Variants in DAB2IP observed in about 807,000 individuals in gnomAD.
DAB2IP encodes DAB2 interacting protein.
Under a neutral mutation model 107.2 loss-of-function variants are expected in DAB2IP, and 28 were observed. The ratio of observed to expected loss-of-function variants is 0.26; its 90% CI spans 0.19 to 0.36. DAB2IP has a LOEUF of 0.36. Ranked by LOEUF, DAB2IP falls within the 10% of genes least tolerant of loss-of-function variation. DAB2IP has a pLI of 1.00. For missense variants in DAB2IP, 1,400 were observed against 1,644.7 expected (o/e 0.85, Z 2.57); for synonymous variants, 755 against 706.4 (o/e 1.07, Z -1.09).
rs1190740114 is a variant in DAB2IP at position 121,760,263 on chromosome 9, G to A, written c.994G>A (p.Ala332Thr). Residue 332 changes from alanine (A) to threonine (T), a missense_variant, in exon 6 of 16, where the codon GCG (alanine) becomes ACG (threonine). Ala to Thr is a moderately conservative substitution (Grantham distance 58). Transcript: ENST00000408936. This position sits in a 1 kb window ranked among gnomAD's most constrained non-coding sequence, Gnocchi z 5.9. ...CCCTGGACCCATGATCCGCATCAAGGCGCGCTACCAAACCATCACCATCCT... is the reference window on the plus strand; with the variant it reads ...CCCTGGACCCATGATCCGCATCAAGACGCGCTACCAAACCATCACCATCCT... 2 of 1,613,798 alleles carry A rather than the reference G, an allele frequency of 1.2e-6. No individual in the cohort carries two copies. The highest frequency in any genetic ancestry group is 1.7e-6 in the Non-Finnish European group (2 of 1,180,042).
intron 1 of DAB2IP, among the ~76,000 whole-genome samples, chr9:121,668,219 A>G (rs1833528683): frequency 6.9e-6 from 1 of 144,438 alleles, no homozygotes; most frequent in Admixed American, 6.9e-5. Flanking sequence ...TTTGAGATGG[A>G]GTCTTGCTTT....
chr9:121,649,720 G>A (rs1196895899), upstream of DAB2IP, among the ~76,000 whole-genome samples: 1 of 152,230 alleles, frequency 6.6e-6, no homozygotes, highest in East Asian at 1.9e-4. Context: ...CCACCTACGT[G>A]AGGAGGCACT....
At chr9:121,759,761 C>T (rs967213171) in intron 5 of DAB2IP, 124 bp from the exon 6 acceptor site, 72 of 818,512 alleles carry the variant, frequency 8.8e-5, no homozygotes, top group Middle Eastern at 3.3e-4. Context: ...AGGGCCTAGG[C>T]GCCCGCTGCC....
chr9:121,709,178 T>C (rs1008651497), intron 3 of DAB2IP, among the ~76,000 whole-genome samples: 2 of 152,052 alleles, frequency 1.3e-5, no homozygotes, highest in Non-Finnish European at 1.5e-5. Context: ...CAGAAACTAG[T>C]GTCTCGGGGC....
At chr9:121,642,035 CTTTCTTTCTT>C in intron 1 of DAB2IP, among the ~76,000 whole-genome samples, 2 of 38,044 alleles carry the variant, frequency 5.3e-5, no homozygotes, top group East Asian at 1.1e-3. Flanking sequence ...CTCTCTCTTT[CTTTCTTTCTT>C]TCTTTCTTTC....
chr9:121,746,195 C>T lies in DAB2IP; in HGVS notation c.363-10818C>T, dbSNP rs899360169. On this transcript the variant is annotated intron_variant, in intron 3 of 15. Coordinates refer to ENST00000408936, the Ensembl canonical transcript of DAB2IP. ...GAGAAGTGCTGGCAGGAAGGGCGTG[C>T]GGGAAGGGACAGAATGCCCCGGGAA... 5.3e-5 allele frequency among the ~76,000 whole-genome samples: 8 copies of T among 151,948 alleles called. 1 individual carries two copies. In the South Asian group the frequency reaches 6.2e-4, roughly 12 times the overall value.
In DAB2IP at chr9:121,736,263, T is replaced by C. The variant is rs1212228212; in HGVS notation, c.363-20750T>C. On this transcript the variant is annotated intron_variant, in intron 3 of 15. Coordinates refer to ENST00000408936, the Ensembl canonical transcript of DAB2IP. This position sits in a 1 kb window ranked among gnomAD's most constrained non-coding sequence, Gnocchi z 4.6. ...TGGTCTAAGCCCGACGAACCCGGGG[T>C]GGGGCCAGCGGGCCAAACTGGAATG... Among the ~76,000 whole-genome samples, 1 of 151,936 alleles carries C rather than the reference T, an allele frequency of 6.6e-6. No individual in the cohort carries two copies. Among genetic ancestry groups the C allele is most frequent in the African/African-American group, 2.4e-5 (1 of 41,366 alleles).
In DAB2IP at chr9:121,658,708, G is replaced by T. The variant is rs116744140; in HGVS notation, c.124+6809G>T. On this transcript the variant is annotated intron_variant, in intron 1 of 15. Coordinates refer to ENST00000408936, the Ensembl canonical transcript of DAB2IP. ...TAGACTCGATACTCAGCAAAGACAG[G>T]CTTGGTTCCTCGGTCTAGACAGACC... 4.8e-3 allele frequency among the ~76,000 whole-genome samples: 736 copies of T among 152,304 alleles called. 7 individuals are homozygous for T. The highest frequency in any genetic ancestry group is 0.016 in the African/African-American group (671 of 41,576).
chr9:121,605,769 G>T (rs1830848831), intron 1 of DAB2IP, among the ~76,000 whole-genome samples: 1 of 152,188 alleles, frequency 6.6e-6, no homozygotes, highest in Non-Finnish European at 1.5e-5. Context: ...GCCTCCCAAA[G>T]TGCTGGGGTT....
intron 3 of DAB2IP, among the ~76,000 whole-genome samples, chr9:121,712,292 T>C (rs190919901): frequency 6.6e-6 from 1 of 152,360 alleles, no homozygotes; most frequent in Admixed American, 6.5e-5. Context: ...AGGATTCTTA[T>C]TCTTCTTGCT....
At chr9:121,696,527 T>C (rs1829437296) in intron 2 of DAB2IP, among the ~76,000 whole-genome samples, 1 of 152,186 alleles carries the variant, frequency 6.6e-6, no homozygotes, top group Non-Finnish European at 1.5e-5. Flanking sequence ...AGAAAAGGTT[T>C]GCCTCCCTTC....
At chr9:121,712,495 G>A (rs1177897937) in intron 3 of DAB2IP, among the ~76,000 whole-genome samples, 2 of 152,156 alleles carry the variant, frequency 1.3e-5, no homozygotes, top group Non-Finnish European at 1.5e-5. Flanking sequence ...CAGTTTCTGG[G>A]CTTGTTAAAG....
rs988937031 is a variant in DAB2IP at position 121,742,808 on chromosome 9, T to C, written c.363-14205T>C. 6.1e-6 allele frequency: 6 copies of C among 985,362 alleles called. No homozygotes were observed. The African/African-American group carries it at 8.7e-5, about 14-fold the overall frequency. 61.0% of individuals were successfully genotyped at this position (985,362 alleles called of 1,614,324 possible). A position where few individuals can be genotyped will look rare whatever the true frequency, so the allele number is the denominator to read the frequency against. ...AGTGTTCCTCTTCTTTCGTGTTGTG[T>C]CAGAAGCCATGATTTCCAGTCTTCT... On this transcript the variant is annotated intron_variant, in intron 3 of 15. Transcript: ENST00000408936.
intron 1 of DAB2IP, among the ~76,000 whole-genome samples, chr9:121,615,404 A>C (rs1278901280): frequency 6.6e-6 from 1 of 152,096 alleles, no homozygotes; most frequent in Non-Finnish European, 1.5e-5. Flanking sequence ...ACTCCTGGAG[A>C]GGTGGCGTTG....
chr9:121,572,405 T>TGAAC (rs1829965566), intron 1 of DAB2IP, among the ~76,000 whole-genome samples: 1 of 152,038 alleles, frequency 6.6e-6, no homozygotes, highest in African/African-American at 2.4e-5. Flanking sequence ...GATGAATGAA[T>TGAAC]GAATGAATGA....
At chr9:121,773,060 T>C (rs1222413632) in exon 12 of DAB2IP, 13 of 1,612,416 alleles carry the variant, frequency 8.1e-6, no homozygotes, top group African/African-American at 1.3e-5. Flanking sequence ...TGTCACCCCG[T>C]GGCCTTGGCG....
In DAB2IP at chr9:121,678,729, C is replaced by T. The variant is rs7027492; in HGVS notation, c.176C>T (p.Ser59Phe). The change falls in exon 2 of 16, where the codon TCC (serine) becomes TTC (phenylalanine). Residue 59 changes from serine (S) to phenylalanine (F), a missense_variant. By Grantham distance (155) the Ser-to-Phe change is radical. Around this residue, in one of 3 missense-constraint regions of DAB2IP, gnomAD observed 283 missense variants for 237.0 expected, o/e 1.19. Transcript: ENST00000408936. The stretch of plus-strand genomic sequence containing the variant: ...CGGCGCAGCCTGCCTGGCAGCCTTT[C>T]CGAGAAGAGCCCCAGCATGGAGCCC... 9,682 of 1,598,794 alleles carry T rather than the reference C, an allele frequency of 6.1e-3. 511 individuals are homozygous for T. In the African/African-American group the frequency reaches 0.11, roughly 19 times the overall value.
At chr9:121,729,962 G>A (rs1831434758) in intron 3 of DAB2IP, among the ~76,000 whole-genome samples, 1 of 152,102 alleles carries the variant, frequency 6.6e-6, no homozygotes, top group Non-Finnish European at 1.5e-5. Context: ...GTGTGGGTGT[G>A]TGTGGGGTTA....
chr9:121,739,585 G>C (rs1025139423), intron 3 of DAB2IP, among the ~76,000 whole-genome samples: 4 of 152,166 alleles, frequency 2.6e-5, no homozygotes, highest in Non-Finnish European at 4.4e-5. Context: ...GATTTCAGAG[G>C]GGGTAGCAGC....
Sources: gnomAD v4.1 joint callset for allele counts (sites outside exome capture counted in the v4.1 genomes callset) on GRCh38, gnomAD v4.1.1 for gene constraint, gnomAD v4.1.1 regional missense constraint, Gnocchi (gnomAD v3.1) non-coding constraint, MANE v1.5 for transcripts, NCBI Gene and HGNC (gene_info 2026-07-23, HGNC 2026-07-21) for gene names.